The following RBMS1 variants were observed in gnomAD, a reference collection of about 807,000 sequenced individuals.
RBMS1 encodes RNA binding motif single stranded interacting protein 1, also known as RNA-binding motif, single-stranded-interacting protein 1.
Under a neutral mutation model 62.3 loss-of-function variants are expected in RBMS1, and 17 were observed. The observed-to-expected ratio is 0.27, with a 90% confidence interval of 0.19 to 0.41. The LOEUF (loss-of-function observed/expected upper bound fraction) is 0.41. Ranked by LOEUF, RBMS1 falls within the 10% of genes least tolerant of loss-of-function variation. RBMS1 has a pLI of 1.00. For missense variants in RBMS1, 334 were observed against 504.5 expected, an observed-to-expected ratio of 0.66 and a Z score of 3.24; for synonymous variants, 172 against 170.0, an observed-to-expected ratio of 1.01 and a Z score of -0.09.
intron 6 of RBMS1, among the ~76,000 whole-genome samples, chr2:160,294,572 TC>T (rs1174593891): frequency 2.0e-5 from 3 of 152,208 alleles, no homozygotes; most frequent in African/African-American, 7.2e-5. Flanking sequence ...TAGGATGAGT[TC>T]ATTGTTCAGT....
intron 1 of RBMS1, among the ~76,000 whole-genome samples, chr2:160,368,365 T>A (rs1693526419): frequency 6.6e-6 from 1 of 152,130 alleles, no homozygotes; most frequent in African/African-American, 2.4e-5. Flanking sequence ...AGTTTGAACA[T>A]CCAAAATTAA....
At chr2:160,416,408 A>G (rs1696210303) in intron 1 of RBMS1, among the ~76,000 whole-genome samples, 1 of 152,172 alleles carries the variant, frequency 6.6e-6, no homozygotes, top group African/African-American at 2.4e-5. Context: ...AACTGGAGAA[A>G]GTGCCAGAAG....
intron 6 of RBMS1, among the ~76,000 whole-genome samples, chr2:160,299,003 C>T (rs1449148521): frequency 6.6e-6 from 1 of 152,164 alleles, no homozygotes; most frequent in East Asian, 1.9e-4. Flanking sequence ...GGAACCAACC[C>T]TGCTGACATC....
chr2:160,450,848 AAAC>A lies in RBMS1; in HGVS notation c.75+42438_75+42440del, dbSNP rs372465916. Among the ~76,000 whole-genome samples, 109 of 152,270 alleles carry A rather than the reference AAAC, an allele frequency of 7.2e-4. No individual in the cohort carries two copies. The South Asian group carries it at 7.5e-3, about 10-fold the overall frequency. On this transcript the variant is annotated intron_variant, in intron 1 of 13. Coordinates refer to ENST00000348849, the MANE Select transcript of RBMS1 (RefSeq NM_016836.4). Reference sequence around the variant, plus strand: ...TACTGTGACTGATTTTTATTAAGAAAAACAACAACAACAACAAACTCAAGTATC... The same window carrying A: ...TACTGTGACTGATTTTTATTAAGAAAAACAACAACAACAAACTCAAGTATC...
At chr2:160,479,597 T>C (rs935946991) in intron 1 of RBMS1, among the ~76,000 whole-genome samples, 5 of 152,192 alleles carry the variant, frequency 3.3e-5, no homozygotes, top group African/African-American at 9.7e-5. Flanking sequence ...CTGCAGGCCA[T>C]GGATTGACCA....
At chr2:160,323,791 A>G (rs1379204645) in intron 2 of RBMS1, among the ~76,000 whole-genome samples, 1 of 152,162 alleles carries the variant, frequency 6.6e-6, no homozygotes, top group African/African-American at 2.4e-5. Flanking sequence ...AAGAGACATG[A>G]CTATATAATA....
intron 1 of RBMS1, among the ~76,000 whole-genome samples, chr2:160,421,030 A>T (rs2105268802): frequency 6.6e-6 from 1 of 151,210 alleles, no homozygotes; most frequent in East Asian, 1.9e-4. Context: ...TTCTGTTGAA[A>T]CTCCAATGGT....
chr2:160,300,477 C>T (rs1689151460), intron 6 of RBMS1, among the ~76,000 whole-genome samples, 174 bp downstream of exon 6: 2 of 152,206 alleles, frequency 1.3e-5, no homozygotes, highest in Non-Finnish European at 2.9e-5. Context: ...ATTTAAACAT[C>T]CAATGCCTAT....
intron 1 of RBMS1, among the ~76,000 whole-genome samples, chr2:160,465,129 A>C (rs1684632248): frequency 6.6e-6 from 1 of 152,248 alleles, no homozygotes; most frequent in Non-Finnish European, 1.5e-5. Context: ...CTTTCTTTGA[A>C]GGTTTTCCAA....
intron 6 of RBMS1, among the ~76,000 whole-genome samples, chr2:160,291,905 C>A (rs372233392): frequency 1.3e-5 from 2 of 152,182 alleles, no homozygotes; most frequent in African/African-American, 4.8e-5. Context: ...CAACAAACAT[C>A]TTTTAATTTT....
At chr2:160,462,711 C>T (rs1331938953) in intron 1 of RBMS1, among the ~76,000 whole-genome samples, 3 of 152,116 alleles carry the variant, frequency 2.0e-5, no homozygotes, top group Non-Finnish European at 4.4e-5. Context: ...CGGGTTCAAG[C>T]GATTCTCCTG....
chr2:160,288,817 A>G (rs1666189275), intron 6 of RBMS1, among the ~76,000 whole-genome samples: 1 of 152,170 alleles, frequency 6.6e-6, no homozygotes, highest in African/African-American at 2.4e-5. Context: ...TCCTAGACTG[A>G]AATTTAACCT....
At chr2:160,311,238 A>ATCTATATATATATATATC (rs1287458681) in intron 4 of RBMS1, among the ~76,000 whole-genome samples, 8 of 119,246 alleles carry the variant, frequency 6.7e-5, no homozygotes, top group African/African-American at 2.0e-4. Context: ...CTATCTATAT[A>ATCTATATATATATATATC]TATATATATA....
chr2:160,430,143 T>C (rs1380710784), intron 1 of RBMS1, among the ~76,000 whole-genome samples: 3 of 152,234 alleles, frequency 2.0e-5, no homozygotes, highest in African/African-American at 4.8e-5. Context: ...CCCAACTGCA[T>C]GCAGCTGCCT....
chr2:160,382,061 C>T, intron 1 of RBMS1, among the ~76,000 whole-genome samples: 1 of 152,334 alleles, frequency 6.6e-6, no homozygotes, highest in East Asian at 1.9e-4. Flanking sequence ...CTAGTAATCC[C>T]ACCCTATGTC....
At chr2:160,378,493 T>C (rs1250732002) in intron 1 of RBMS1, among the ~76,000 whole-genome samples, 1 of 152,030 alleles carries the variant, frequency 6.6e-6, no homozygotes, top group African/African-American at 2.4e-5. Context: ...TTCACACCTG[T>C]GTCCAACTAC....
chr2:160,389,395 A>C (rs917547399), intron 1 of RBMS1, among the ~76,000 whole-genome samples: 4 of 152,126 alleles, frequency 2.6e-5, no homozygotes, highest in Non-Finnish European at 5.9e-5. Flanking sequence ...CCTAAACAAA[A>C]GCTTAAAAAA....
intron 2 of RBMS1, among the ~76,000 whole-genome samples, chr2:160,359,123 C>T (rs1227923899): frequency 1.3e-5 from 2 of 152,256 alleles, no homozygotes; most frequent in African/African-American, 4.8e-5. Context: ...AGCAGTAAGA[C>T]AGTTCTTCAA....
chr2:160,477,195 T>C (rs1001660590), intron 1 of RBMS1, among the ~76,000 whole-genome samples: 4 of 152,082 alleles, frequency 2.6e-5, no homozygotes, highest in African/African-American at 9.7e-5. Flanking sequence ...GAATTGCATG[T>C]ATCTAGCAGG....
Sources: gnomAD v4.1 joint callset for allele counts (sites outside exome capture counted in the v4.1 genomes callset) on GRCh38, gnomAD v4.1.1 for gene constraint, MANE v1.5 for transcripts, NCBI Gene and HGNC (gene_info 2026-07-23, HGNC 2026-07-21) for gene names.